The following TECTA variants were observed in gnomAD, a reference collection of about 807,000 sequenced individuals.
TECTA encodes alpha-tectorin.
Under a neutral mutation model 216.8 loss-of-function variants are expected in TECTA, and 128 were observed. The observed-to-expected ratio is 0.59, with a 90% CI of 0.51 to 0.68. TECTA has a LOEUF of 0.68. Ranked by LOEUF, TECTA falls within the 30% of genes least tolerant of loss-of-function variation. The pLI, the probability that TECTA is intolerant of heterozygous loss-of-function variation, is 0.00. For missense variants in TECTA, 2,551 were observed against 2,786.2 expected (o/e 0.92, Z 1.90); for synonymous variants, 1,089 against 1,117.1 (o/e 0.97, Z 0.50).
chr11:121,114,401 C>G (rs1946476186), intron 6 of TECTA, among the ~76,000 whole-genome samples: 1 of 152,228 alleles, frequency 6.6e-6, no homozygotes, highest in South Asian at 2.1e-4. Context: ...TGCAAACTCA[C>G]CATGGACTTT....
intron 12 of TECTA, among the ~76,000 whole-genome samples, chr11:121,150,470 G>T (rs1946878693): frequency 6.6e-6 from 1 of 152,034 alleles, no homozygotes; most frequent in African/African-American, 2.4e-5. Context: ...ATTATCCAAG[G>T]CTAAAAGGGA....
At chr11:121,124,530 A>T (rs986329437) in intron 7 of TECTA, among the ~76,000 whole-genome samples, 11 of 152,200 alleles carry the variant, frequency 7.2e-5, no homozygotes, top group African/African-American at 2.7e-4. Flanking sequence ...CCTATGCTGG[A>T]TTCAATGTTC....
At position 121,130,177 on chromosome 11, in the gene TECTA, G is replaced by C. The variant is rs144033961; in HGVS notation, c.2907G>C (p.Val969=). The C allele has an allele frequency of 5.6e-6, 9 of 1,602,924 alleles. No homozygotes were observed. Among genetic ancestry groups the C allele is most frequent in the Admixed American group, 5.0e-5 (3 of 60,006 alleles). Residue 969 remains valine (V), a synonymous_variant, in exon 10 of 24, where the codon GTG becomes GTC. Transcript: ENST00000392793. ...CAAGCGCCTGCAAGAATGCGGACGTGGAGGTGGGGCCCTGGCGGACCTATG... is the reference window on the plus strand; with the variant it reads ...CAAGCGCCTGCAAGAATGCGGACGTCGAGGTGGGGCCCTGGCGGACCTATG... ...RYASACKNAD[V]EVGPWRTYDF... is the part of the protein sequence containing the mutation.
chr11:121,158,006 G>C lies in TECTA; in HGVS notation c.4471G>C (p.Gly1491Arg). Reference sequence around the variant, plus strand: ...CAAGACCTCCTACTGCCTGGCGGCCGGCGGCGGCGTCTTCCGCACCTTCGA... The same window carrying C: ...CAAGACCTCCTACTGCCTGGCGGCCCGCGGCGGCGTCTTCCGCACCTTCGA... Reference protein sequence around the residue: ...STKTSYCLAAGGGVFRTFDGA... With the variant: ...STKTSYCLAARGGVFRTFDGA... Residue 1491 changes from glycine (G) to arginine (R), a missense_variant, in exon 14 of 24, where the codon GGC becomes CGC. Around this residue, in one of 3 missense-constraint regions of TECTA, gnomAD observed 2,375 missense variants for 2,563.9 expected, o/e 0.93. Coordinates refer to ENST00000392793, the MANE Select transcript of TECTA (RefSeq NM_005422.4). The C allele has an allele frequency of 6.2e-7, 1 of 1,612,866 alleles. No homozygotes were observed. The highest frequency in any genetic ancestry group is 8.5e-7 in the Non-Finnish European group (1 of 1,179,916).
rs1417714105 is a variant in TECTA, at chr11:121,168,150, G to A, written c.5683G>A (p.Glu1895Lys). Reference protein sequence around the residue: ...IITRDRTINVEFSCAYELDIK... With the variant: ...IITRDRTINVKFSCAYELDIK... ...CACCAGGGACCGCACGATCAATGTG[G>A]AATTTTCATGTGCTTATGAGCTGGA... Residue 1895 changes from glutamate to lysine, a missense_variant, in exon 19 of 24, where the codon GAA (glutamate) becomes AAA (lysine). Physicochemically the swap from Glu to Lys is moderately conservative, Grantham distance 56. This residue lies in a region of TECTA where 2,375 missense variants were observed against 2,563.9 expected (regional missense o/e 0.93). Coordinates refer to ENST00000392793, the MANE Select transcript of TECTA (RefSeq NM_005422.4). 1.9e-6 allele frequency: 3 copies of A among 1,614,080 alleles called. No homozygotes were observed. Among genetic ancestry groups the A allele is most frequent in the Non-Finnish European group, 2.5e-6 (3 of 1,180,032 alleles).
chr11:121,131,729 CTT>C (rs1330291407), intron 10 of TECTA, among the ~76,000 whole-genome samples: 1 of 152,182 alleles, frequency 6.6e-6, no homozygotes, highest in African/African-American at 2.4e-5. Flanking sequence ...GGTCCTCAGT[CTT>C]TGACTTTCAT....
chr11:121,123,890 C>A (rs763367816), intron 7 of TECTA, among the ~76,000 whole-genome samples: 1 of 152,258 alleles, frequency 6.6e-6, no homozygotes, highest in Non-Finnish European at 1.5e-5. Flanking sequence ...CCAGCCACGT[C>A]CCCTACACCC....
chr11:121,140,596 A>G (rs1946774709), intron 11 of TECTA, among the ~76,000 whole-genome samples: 1 of 152,176 alleles, frequency 6.6e-6, no homozygotes, highest in South Asian at 2.1e-4. Flanking sequence ...TGGAGGGTGT[A>G]AGTCCAAAGT....
At chr11:121,135,037 G>T (rs532833735) in intron 10 of TECTA, among the ~76,000 whole-genome samples, 1 of 152,304 alleles carries the variant, frequency 6.6e-6, no homozygotes, top group Admixed American at 6.5e-5. Context: ...TCCTACTTGA[G>T]ATGTCCCCCA....
At chr11:121,115,136 T>C in intron 6 of TECTA, among the ~76,000 whole-genome samples, 1 of 137,070 alleles carries the variant, frequency 7.3e-6, no homozygotes, top group Admixed American at 7.5e-5. Flanking sequence ...TACCCATCCA[T>C]CCATTTATCC....
intron 10 of TECTA, among the ~76,000 whole-genome samples, chr11:121,133,349 C>T (rs1018855956): frequency 6.6e-6 from 1 of 152,080 alleles, no homozygotes; most frequent in African/African-American, 2.4e-5. Context: ...TACATAACCA[C>T]AGTACAGTTT....
chr11:121,113,317 G>T lies in TECTA; in HGVS notation c.624+108G>T. 2 of 1,585,418 alleles carry T rather than the reference G, an allele frequency of 1.3e-6. No homozygotes were observed. On this transcript the variant is annotated intron_variant, in intron 5 of 23. Transcript: ENST00000392793. This position sits in a 1 kb window ranked among gnomAD's most constrained non-coding sequence, Gnocchi z 4.2. ...CTGCCACCAGCTTTTAACTAGAGAC[G>T]CAGGTCTGATCTCGCAGGTGGACTA... is the stretch of plus-strand genomic sequence containing the variant.
At position 121,158,122 on chromosome 11, in the gene TECTA, C is replaced by T; in HGVS notation, c.4587C>T (p.Ile1529=). The T allele has an allele frequency of 1.2e-6, 2 of 1,614,238 alleles. No homozygotes were observed. The highest frequency in any genetic ancestry group is 1.1e-5 in the South Asian group (1 of 91,090). ...CCGACATCTCCTTCCAGCTTATCAT[C>T]AACTTCGACAAGTGGTCGGCCCCCA... ...KLPDISFQLI[I]NFDKWSAPNL... is the part of the protein sequence containing the mutation. Residue 1529 remains isoleucine (I), a synonymous_variant, in exon 14 of 24, where the codon ATC becomes ATT. Coordinates refer to ENST00000392793, the MANE Select transcript of TECTA (RefSeq NM_005422.4).
chr11:121,168,478 T>C, intron 19 of TECTA, 199 bp from the exon 20 acceptor site: 1 of 939,932 alleles, frequency 1.1e-6, no homozygotes, highest in Non-Finnish European at 1.6e-6. Context: ...CGGAATTGAA[T>C]TTTTAATTTT....
intron 20 of TECTA, among the ~76,000 whole-genome samples, chr11:121,175,116 A>G (rs1367204406): frequency 1.3e-5 from 2 of 151,774 alleles, no homozygotes; most frequent in Admixed American, 6.6e-5. Flanking sequence ...CGGTCTATCA[A>G]TTTTGTTGAT....
intron 13 of TECTA, among the ~76,000 whole-genome samples, chr11:121,155,293 C>T (rs532407171): frequency 2.0e-5 from 3 of 152,326 alleles, no homozygotes; most frequent in Non-Finnish European, 2.9e-5. Context: ...TACCCTTTAT[C>T]GTATCCACAT....
At chr11:121,158,763 G>A (rs889794522) in intron 14 of TECTA, among the ~76,000 whole-genome samples, 1 of 152,164 alleles carries the variant, frequency 6.6e-6, no homozygotes, top group Non-Finnish European at 1.5e-5. Flanking sequence ...GGCTGCTCTT[G>A]GTGGATTTCT....
intron 20 of TECTA, among the ~76,000 whole-genome samples, chr11:121,187,196 C>T (rs1947296568): frequency 6.6e-6 from 1 of 152,194 alleles, no homozygotes. Flanking sequence ...CTATAGGAGA[C>T]TCTGATGCAT....
At position 121,166,777 on chromosome 11, in the gene TECTA, G is replaced by A. The variant is rs753786546; in HGVS notation, c.5583G>A (p.Val1861=). ...CCAAAGGGAATTGTGGAAACATTGTGCAGGTGAGAAAAGCAGCAGGAAAGA... is the reference window on the plus strand; with the variant it reads ...CCAAAGGGAATTGTGGAAACATTGTACAGGTGAGAAAAGCAGCAGGAAAGA... The part of the protein sequence containing the change: ...NNTKGNCGNI[V]QSNGTHIMYK... Residue 1861 remains valine, a synonymous_variant, in exon 18 of 24, where the codon GTG becomes GTA. Coordinates refer to ENST00000392793, the MANE Select transcript of TECTA (RefSeq NM_005422.4). 1.9e-6 allele frequency: 3 copies of A among 1,613,866 alleles called. No homozygotes were observed. The highest frequency in any genetic ancestry group is 2.5e-6 in the Non-Finnish European group (3 of 1,180,002).
Sources: allele counts gnomAD v4.1 joint callset (sites outside exome capture counted in the v4.1 genomes callset), GRCh38; gene constraint gnomAD v4.1.1; regional missense constraint gnomAD v4.1.1; non-coding constraint Gnocchi (gnomAD v3.1); transcripts MANE v1.5; gene names NCBI Gene and HGNC (gene_info 2026-07-23, HGNC 2026-07-21).